The following DAAM1 variants were observed in gnomAD, a reference collection of about 807,000 sequenced individuals.
The protein encoded by DAAM1 is dishevelled associated activator of morphogenesis 1, also known as disheveled-associated activator of morphogenesis 1.
DAAM1 carries 52 observed loss-of-function variants against 130.0 expected under a neutral mutation model. The observed-to-expected ratio is 0.40, with a 90% confidence interval of 0.32 to 0.50. The LOEUF (loss-of-function observed/expected upper bound fraction) is 0.50. Among genes scored for constraint, DAAM1 ranks in the 20% least tolerant of loss-of-function variants. DAAM1 has a pLI of 0.61. For synonymous variants in DAAM1, 452 were observed against 444.5 expected (o/e 1.02, Z -0.21); for missense variants, 1,134 against 1,303.8 (o/e 0.87, Z 2.01).
At chr14:59,340,034 C>T in intron 15 of DAAM1, 40 bp from the exon 16 acceptor site, 1 of 1,567,958 alleles carries the variant, frequency 6.4e-7, no homozygotes, top group Non-Finnish European at 8.8e-7. Flanking sequence ...TCTGAATGTC[C>T]CTGTTGGACT....
At chr14:59,295,992 A>G (rs1171836405) in intron 3 of DAAM1, among the ~76,000 whole-genome samples, 1 of 152,246 alleles carries the variant, frequency 6.6e-6, no homozygotes, top group Non-Finnish European at 1.5e-5. Context: ...CTTCAGTGAC[A>G]GTATTACTAG....
intron 3 of DAAM1, among the ~76,000 whole-genome samples, chr14:59,312,699 A>G (rs1280153341): frequency 6.6e-6 from 1 of 152,244 alleles, no homozygotes; most frequent in Non-Finnish European, 1.5e-5. Context: ...CTGACCAGAA[A>G]TTTGGAATGA....
In DAAM1 at chr14:59,340,095, G is replaced by C; in HGVS notation, c.1990G>C (p.Asp664His). The C allele has an allele frequency of 6.2e-7, 1 of 1,613,528 alleles. No individual in the cohort carries two copies. The highest frequency in any genetic ancestry group is 8.5e-7 in the Non-Finnish European group (1 of 1,179,648). Residue 664 changes from aspartate (D) to histidine (H), a missense_variant, in exon 16 of 25, where the codon GAC becomes CAC. Around this residue, in one of 3 missense-constraint regions of DAAM1, gnomAD observed 644 missense variants for 695.9 expected, o/e 0.93. Transcript: ENST00000360909. ...ACAGAAAGAAGCAGATGCCATTGAT[G>C]ACACTCTGAGTTCCAAACTTAAAGT... ...RQQKEADAID[D>H]TLSSKLKVKE... is the part of the protein sequence containing the mutation.
chr14:59,313,379 CTTCTTCCCCTTAT>C (rs1851485286), intron 3 of DAAM1, among the ~76,000 whole-genome samples: 1 of 152,220 alleles, frequency 6.6e-6, no homozygotes, highest in Non-Finnish European at 1.5e-5. Context: ...AAAATGAAGC[CTTCTTCCCCTTAT>C]TGTGATGACA....
intron 1 of DAAM1, among the ~76,000 whole-genome samples, chr14:59,217,635 G>A (rs1232220789): frequency 2.0e-5 from 3 of 151,920 alleles, no homozygotes; most frequent in African/African-American, 7.3e-5. Context: ...CCAGAAGTTC[G>A]AGGCCAACCT....
intron 4 of DAAM1, 47 bp downstream of exon 4, chr14:59,315,398 G>A (rs764601984): frequency 1.1e-5 from 17 of 1,551,784 alleles, no homozygotes; most frequent in Non-Finnish European, 1.4e-5. Flanking sequence ...AAATGCAAGT[G>A]TAGTACAAAG....
chr14:59,295,752 C>T (rs183010831), intron 3 of DAAM1, among the ~76,000 whole-genome samples: 11 of 152,300 alleles, frequency 7.2e-5, no homozygotes, highest in East Asian at 3.9e-4. Flanking sequence ...GATGAGACAT[C>T]GGTCTTCTAG....
At chr14:59,239,817 CAAT>C (rs1889421764) in intron 1 of DAAM1, among the ~76,000 whole-genome samples, 1 of 152,142 alleles carries the variant, frequency 6.6e-6, no homozygotes, top group Non-Finnish European at 1.5e-5. Flanking sequence ...TGCTCAGCAA[CAAT>C]AATGACTTTT....
chr14:59,260,355 A>G (rs76463588), intron 1 of DAAM1, among the ~76,000 whole-genome samples: 1 of 152,346 alleles, frequency 6.6e-6, no homozygotes, highest in East Asian at 1.9e-4. Context: ...TTTGTTTGTT[A>G]AAACAAACAA....
intron 1 of DAAM1, among the ~76,000 whole-genome samples, chr14:59,212,124 A>C (rs967823141): frequency 6.6e-6 from 1 of 152,192 alleles, no homozygotes; most frequent in Non-Finnish European, 1.5e-5. Flanking sequence ...CTAAGATAAA[A>C]CATCATTAAT....
At chr14:59,222,309 A>G (rs1888798919) in intron 1 of DAAM1, among the ~76,000 whole-genome samples, 1 of 152,228 alleles carries the variant, frequency 6.6e-6, no homozygotes, top group Non-Finnish European at 1.5e-5. Flanking sequence ...TGATTTTGGC[A>G]GAGGCATTGC....
chr14:59,336,740 C>A (rs567679608), intron 15 of DAAM1, among the ~76,000 whole-genome samples: 81 of 152,228 alleles, frequency 5.3e-4, no homozygotes, highest in African/African-American at 1.9e-3. Flanking sequence ...TTCAGCTCAA[C>A]TGAAAGCAGA....
chr14:59,202,419 A>G (rs1888133755), intron 1 of DAAM1, among the ~76,000 whole-genome samples: 1 of 152,246 alleles, frequency 6.6e-6, no homozygotes, highest in Non-Finnish European at 1.5e-5. Context: ...GAAGCAAGGA[A>G]AATAGCTGAT....
chr14:59,218,565 A>C (rs2139423374), intron 1 of DAAM1, among the ~76,000 whole-genome samples: 1 of 152,372 alleles, frequency 6.6e-6, no homozygotes, highest in East Asian at 1.9e-4. Flanking sequence ...AATAGTTATT[A>C]TCTACCATTC....
intron 1 of DAAM1, among the ~76,000 whole-genome samples, chr14:59,199,392 A>G (rs145248939): frequency 6.6e-6 from 1 of 152,318 alleles, no homozygotes; most frequent in African/African-American, 2.4e-5. Flanking sequence ...GCAACCGTGC[A>G]GGGCTGATCA....
At chr14:59,233,933 A>G (rs750818942) in intron 1 of DAAM1, among the ~76,000 whole-genome samples, 2 of 152,078 alleles carry the variant, frequency 1.3e-5, no homozygotes, top group Non-Finnish European at 2.9e-5. Context: ...CGAAGATCAG[A>G]TGGTTGTAGA....
At chr14:59,207,066 A>G (rs1338701076) in intron 1 of DAAM1, among the ~76,000 whole-genome samples, 1 of 152,222 alleles carries the variant, frequency 6.6e-6, no homozygotes, top group East Asian at 1.9e-4. Context: ...TCATTAATTA[A>G]TGAGGGAACC....
chr14:59,317,514 C>A (rs2139609473), intron 4 of DAAM1, among the ~76,000 whole-genome samples: 1 of 152,272 alleles, frequency 6.6e-6, no homozygotes. Flanking sequence ...TTCTCCAAAT[C>A]CTTTCATGGC....
At chr14:59,320,404 G>A (rs1293426980) in intron 4 of DAAM1, 86 bp from the exon 5 acceptor site, 3 of 1,031,354 alleles carry the variant, frequency 2.9e-6, no homozygotes. Flanking sequence ...TAAAGTGATA[G>A]TGACAAATAA....
Sources: gnomAD v4.1 joint callset for allele counts (sites outside exome capture counted in the v4.1 genomes callset) on GRCh38, gnomAD v4.1.1 for gene constraint, gnomAD v4.1.1 regional missense constraint, MANE v1.5 for transcripts, NCBI Gene and HGNC (gene_info 2026-07-23, HGNC 2026-07-21) for gene names.